IPO11: variants seen among roughly 807,000 people sequenced by gnomAD.
IPO11 encodes the protein importin-11.
In IPO11, 66 loss-of-function variants were observed where a neutral mutation model predicts 143.2. That is an observed-to-expected ratio of 0.46 (90% CI 0.38 to 0.57). The LOEUF is 0.57. Ranked by LOEUF, IPO11 falls within the 20% of genes least tolerant of loss-of-function variation. IPO11 has a pLI of 0.00. For missense variants in IPO11, 1,026 were observed against 1,141.0 expected (o/e 0.90, Z 1.45); for synonymous variants, 385 against 377.8 (o/e 1.02, Z -0.22).
chr5:62,442,405 A>T (rs77624165), intron 2 of IPO11, among the ~76,000 whole-genome samples: 16,541 of 152,254 alleles, frequency 0.11, 932 homozygotes, highest in South Asian at 0.15. Context: ...ACACACCTTA[A>T]AGCAGAATAG....
At chr5:62,497,137 T>C (rs152203) in intron 16 of IPO11, among the ~76,000 whole-genome samples, 88,801 of 152,022 alleles carry the variant, frequency 0.58, 26,214 homozygotes, top group South Asian at 0.68. Flanking sequence ...CCGTTGTCCA[T>C]GTGCTATTCT....
intron 29 of IPO11, among the ~76,000 whole-genome samples, chr5:62,608,588 T>C (rs1239615549): frequency 6.6e-6 from 1 of 152,208 alleles, no homozygotes; most frequent in Non-Finnish European, 1.5e-5. Flanking sequence ...CTCTATTACA[T>C]GCTAGTCCTC....
At chr5:62,523,852 A>G (rs561949666) in intron 20 of IPO11, among the ~76,000 whole-genome samples, 1 of 152,180 alleles carries the variant, frequency 6.6e-6, no homozygotes, top group Non-Finnish European at 1.5e-5. Flanking sequence ...TTCATGGGAC[A>G]TGAGAAGACA....
intron 27 of IPO11, among the ~76,000 whole-genome samples, chr5:62,563,829 C>G (rs1018094234): frequency 6.6e-6 from 1 of 152,082 alleles, no homozygotes; most frequent in Admixed American, 6.6e-5. Context: ...TAGGGATGCT[C>G]AATCTATCGT....
intron 2 of IPO11, 90 bp downstream of exon 2, chr5:62,437,507 G>T: frequency 8.7e-7 from 1 of 1,149,862 alleles, no homozygotes. Flanking sequence ...TGGTAGTTTA[G>T]TGAAATAGAT....
At chr5:62,503,094 G>A (rs1741403480) in intron 16 of IPO11, among the ~76,000 whole-genome samples, 1 of 152,034 alleles carries the variant, frequency 6.6e-6, no homozygotes, top group Admixed American at 6.6e-5. Flanking sequence ...CAAAGTGCTG[G>A]GATTATAGGC....
intron 22 of IPO11, among the ~76,000 whole-genome samples, chr5:62,533,327 T>C (rs1742623286): frequency 6.6e-6 from 1 of 151,902 alleles, no homozygotes; most frequent in Non-Finnish European, 1.5e-5. Flanking sequence ...TTCTCCTGCC[T>C]CAGCCTCCCG....
intron 16 of IPO11, among the ~76,000 whole-genome samples, chr5:62,497,873 A>C (rs1475019283): frequency 6.6e-6 from 1 of 152,218 alleles, no homozygotes. Flanking sequence ...TAAGGATGGC[A>C]ATACTACAGT....
At chr5:62,447,407 A>G (rs1744757110) in intron 3 of IPO11, among the ~76,000 whole-genome samples, 1 of 152,032 alleles carries the variant, frequency 6.6e-6, no homozygotes, top group Admixed American at 6.6e-5. Flanking sequence ...CCCCCAGCCT[A>G]TTTATGAAAT....
At chr5:62,464,837 A>G (rs1481750302) in intron 5 of IPO11, among the ~76,000 whole-genome samples, 1 of 152,204 alleles carries the variant, frequency 6.6e-6, no homozygotes, top group Non-Finnish European at 1.5e-5. Context: ...ATTTCAATAT[A>G]AAGTCCTTTT....
At position 62,545,292 on chromosome 5, in the gene IPO11, C is replaced by A. The variant is rs191022245; in HGVS notation, c.2251-5075C>A. Among the ~76,000 whole-genome samples the A allele has an allele frequency of 4.4e-3, 672 of 152,212 alleles. 7 individuals are homozygous for A. Among genetic ancestry groups the A allele is most frequent in the African/African-American group, 0.016 (648 of 41,508 alleles). On this transcript the variant is annotated intron_variant, in intron 24 of 29. Transcript: ENST00000325324. ...CATAACAGAGTCCTCAGAAATAATA[C>A]CACACAGCTACAACCATCTGATCTT...
chr5:62,588,050 A>C (rs1744865368), intron 27 of IPO11, among the ~76,000 whole-genome samples: 1 of 152,048 alleles, frequency 6.6e-6, no homozygotes, highest in South Asian at 2.1e-4. Context: ...CTTCATCCCA[A>C]ATTCTGCCAC....
chr5:62,435,064 A>G (rs903866796), intron 1 of IPO11, among the ~76,000 whole-genome samples: 6 of 111,320 alleles, frequency 5.4e-5, no homozygotes, highest in East Asian at 2.3e-4. Context: ...ATATATATGT[A>G]TATATATGTA....
intron 5 of IPO11, among the ~76,000 whole-genome samples, chr5:62,456,610 C>T (rs947609484): frequency 6.6e-6 from 1 of 152,188 alleles, no homozygotes; most frequent in Non-Finnish European, 1.5e-5. Flanking sequence ...GCACGTACGA[C>T]GATGCCCGGC....
intron 2 of IPO11, among the ~76,000 whole-genome samples, chr5:62,439,898 C>G (rs748830585): frequency 1.3e-5 from 2 of 152,132 alleles, no homozygotes; most frequent in Non-Finnish European, 2.9e-5. Context: ...GGCTTATGTT[C>G]TAGTCCTGTT....
At chr5:62,527,489 T>G (rs1742406184) in intron 21 of IPO11, among the ~76,000 whole-genome samples, 1 of 152,192 alleles carries the variant, frequency 6.6e-6, no homozygotes, top group Non-Finnish European at 1.5e-5. Flanking sequence ...TGCCCTAGAT[T>G]GTAAGATAAA....
rs114358847 is a variant in IPO11, at chr5:62,445,258, C to T, written c.239+2175C>T. Reference sequence around the variant, plus strand: ...TTTTCACAGAATGAGAATTAACTAACAAGCTTGTTACCATTACCATATACA... The same window carrying T: ...TTTTCACAGAATGAGAATTAACTAATAAGCTTGTTACCATTACCATATACA... On this transcript the variant is annotated intron_variant, in intron 3 of 29. Transcript: ENST00000325324. Among the ~76,000 whole-genome samples the T allele has an allele frequency of 9.1e-3, 1,390 of 152,222 alleles. 20 individuals carry two copies. The highest frequency in any genetic ancestry group is 0.032 in the African/African-American group (1,311 of 41,536).
chr5:62,435,180 GTATA>G lies in IPO11; in HGVS notation c.-6-2088_-6-2085del, dbSNP rs748245224. On this transcript the variant is annotated intron_variant, in intron 1 of 29. Transcript: ENST00000325324. ...TATATATGTATATATATGTATATATGTATATATATGTATATATATGTATATATAT... is the reference window on the plus strand; with the variant it reads ...TATATATGTATATATATGTATATATGTATATGTATATATATGTATATATAT... 2.0e-4 allele frequency among the ~76,000 whole-genome samples: 19 copies of G among 92,752 alleles called. 2 individuals are homozygous for G. The highest frequency in any genetic ancestry group is 8.5e-4 in the African/African-American group (17 of 20,040). 60.8% of individuals were successfully genotyped at this position (92,752 alleles called of 152,430 possible).
At chr5:62,480,920 TTTTTTTTTTTTTG>T (rs1473152768) in intron 9 of IPO11, among the ~76,000 whole-genome samples, 6 of 102,248 alleles carry the variant, frequency 5.9e-5, no homozygotes, top group South Asian at 8.1e-4. Context: ...TTTTTTTTTT[TTTTTTTTTTTTTG>T]GAGACAGAGT....
Sources: gnomAD v4.1 joint callset for allele counts (sites outside exome capture counted in the v4.1 genomes callset) on GRCh38, gnomAD v4.1.1 for gene constraint, MANE v1.5 for transcripts, NCBI Gene and HGNC (gene_info 2026-07-23, HGNC 2026-07-21) for gene names.